The following MIB1 variants were observed in gnomAD, a reference collection of about 807,000 sequenced individuals.
The protein encoded by MIB1 is MIB E3 ubiquitin protein ligase 1, also known as E3 ubiquitin-protein ligase MIB1.
In MIB1, 278 loss-of-function variants were observed where a neutral mutation model predicts 124.5. The observed-to-expected ratio is 2.23, with a 90% CI of 2.02 to 2.47. The LOEUF (loss-of-function observed/expected upper bound fraction) is 2.47. Ranked by LOEUF, MIB1 falls within the 30% of genes most tolerant of loss-of-function variation. The pLI is 0.00. For synonymous variants in MIB1, 446 were observed against 429.4 expected (o/e 1.04, Z -0.48); for missense variants, 957 against 1,254.4 (o/e 0.76, Z 3.58).
intron 1 of MIB1, among the ~76,000 whole-genome samples, chr18:21,717,772 G>A (rs1034991304): frequency 6.6e-5 from 10 of 152,108 alleles, no homozygotes; most frequent in African/African-American, 2.4e-4. Flanking sequence ...TGTGGTGAAC[G>A]AAGAACACTT....
chr18:21,835,941 A>G (rs2042026894), intron 12 of MIB1, among the ~76,000 whole-genome samples: 1 of 151,500 alleles, frequency 6.6e-6, no homozygotes, highest in African/African-American at 2.4e-5. Flanking sequence ...ATACTATTAT[A>G]TTGAAGAGTT....
At position 21,741,911 on chromosome 18, in the gene MIB1, C is replaced by G. The variant is rs2040857966; in HGVS notation, c.229+99C>G. 15 of 1,087,676 alleles carry G rather than the reference C, an allele frequency of 1.4e-5. No individual in the cohort carries two copies. The highest frequency in any genetic ancestry group is 2.9e-5 in the Admixed American group (1 of 34,340). The allele number at this position is 1,087,676 out of a possible 1,614,324, so 67.4% of individuals were successfully genotyped here. ...CGGGGAGAGGTCTGCAGTGGGACAC[C>G]TGGTGGGCAGCGCCCGGCTGGAGCG... On this transcript the variant is annotated intron_variant, in intron 1 of 20. Coordinates refer to ENST00000261537, the MANE Select transcript of MIB1 (RefSeq NM_020774.4). This position sits in a 1 kb window ranked among gnomAD's most constrained non-coding sequence, Gnocchi z 5.4.
upstream of MIB1, among the ~76,000 whole-genome samples, chr18:21,735,874 A>C (rs1196365941): frequency 6.6e-6 from 1 of 152,236 alleles, no homozygotes; most frequent in Non-Finnish European, 1.5e-5. Context: ...CAGCAGCCCC[A>C]GTCAGGCACT....
intron 1 of MIB1, among the ~76,000 whole-genome samples, chr18:21,723,846 A>G (rs2040725900): frequency 6.6e-6 from 1 of 151,776 alleles, no homozygotes; most frequent in South Asian, 2.1e-4. Flanking sequence ...ACATCTGTTT[A>G]TAAAGTAAGC....
intron 17 of MIB1, among the ~76,000 whole-genome samples, chr18:21,850,871 C>T (rs907995851): frequency 1.4e-4 from 21 of 152,172 alleles, no homozygotes; most frequent in Admixed American, 1.2e-3. Context: ...ATTCTTTTGT[C>T]TTTAGATTGA....
chr18:21,819,561 C>G lies in MIB1; in HGVS notation c.1744C>G (p.Leu582Val). ...SKKRDDILAV[L>V]LEAGADVTIT... is the part of the protein sequence containing the mutation. ...GAAACGTGATGATATCCTAGCAGTT[C>G]TTTTGGAAGCTGGAGCAGATGTTAC... Residue 582 changes from leucine (L) to valine (V), a missense_variant, in exon 12 of 21, where the codon CTT becomes GTT. Physicochemically the swap from Leu to Val is conservative, Grantham distance 32 (BLOSUM62 1). Coordinates refer to ENST00000261537, the MANE Select transcript of MIB1 (RefSeq NM_020774.4). The G allele has an allele frequency of 1.2e-6, 2 of 1,611,258 alleles. No individual in the cohort carries two copies. The highest frequency in any genetic ancestry group is 3.3e-4 in the Middle Eastern group (2 of 6,058).
chr18:21,777,532 A>T (rs551427989), intron 4 of MIB1, among the ~76,000 whole-genome samples: 1 of 152,204 alleles, frequency 6.6e-6, no homozygotes, highest in South Asian at 2.1e-4. Flanking sequence ...GTCTAATGTA[A>T]TAAGATTCAG....
intron 1 of MIB1, among the ~76,000 whole-genome samples, chr18:21,732,643 C>T (rs2040777129): frequency 1.3e-5 from 2 of 152,082 alleles, no homozygotes; most frequent in Admixed American, 1.3e-4. Context: ...AAGTGATCCT[C>T]CCACCTTGGC....
At chr18:21,768,801 C>T in intron 3 of MIB1, 49 bp downstream of exon 3, 1 of 1,484,150 alleles carries the variant, frequency 6.7e-7, no homozygotes, top group Non-Finnish European at 9.0e-7. Flanking sequence ...ATTATATGTT[C>T]AGAACCTTTT....
At chr18:21,825,865 A>G (rs1328879154) in intron 12 of MIB1, 4 of 400,048 alleles carry the variant, frequency 1.0e-5, no homozygotes, top group African/African-American at 6.5e-5. Context: ...TACAAGTGTT[A>G]GAAATTATCA....
chr18:21,737,509 A>G (rs1451987925), upstream of MIB1, among the ~76,000 whole-genome samples: 5 of 152,182 alleles, frequency 3.3e-5, no homozygotes, highest in Admixed American at 6.5e-5. Context: ...TAATGACAGG[A>G]TCAAATTCAC....
chr18:21,747,808 C>A (rs915408852), intron 1 of MIB1, among the ~76,000 whole-genome samples: 1 of 152,144 alleles, frequency 6.6e-6, no homozygotes, highest in Non-Finnish European at 1.5e-5. Flanking sequence ...TCTCCTCCAC[C>A]CTCTATAATT....
At chr18:21,803,067 C>T (rs1419166455) in intron 9 of MIB1, among the ~76,000 whole-genome samples, 2 of 152,152 alleles carry the variant, frequency 1.3e-5, no homozygotes, top group African/African-American at 2.4e-5. Flanking sequence ...TACACTGTGG[C>T]TTCCTGTTCT....
intron 12 of MIB1, chr18:21,829,335 A>G: frequency 3.5e-6 from 1 of 284,798 alleles, no homozygotes; most frequent in Non-Finnish European, 6.7e-6. Context: ...TCTTTTTGCA[A>G]GAGATTCAAA....
chr18:21,707,539 C>T (rs746091506), intron 1 of MIB1, among the ~76,000 whole-genome samples: 5 of 152,164 alleles, frequency 3.3e-5, no homozygotes, highest in Non-Finnish European at 7.3e-5. Context: ...TCTTTATGAG[C>T]TATAACACTC....
At position 21,765,938 on chromosome 18, in the gene MIB1, TGA is replaced by T; in HGVS notation, c.400_401del (p.Arg134GlyfsTer7). ...RFYRITTPGS[E>X]RVLLESRRKS... is the part of the protein sequence containing the mutation. ...TTTACCGAATTACTACACCGGGAAGTGAGAGGTAGGGAGAACCCTTTTCTTCT... is the reference window on the plus strand; with the variant it reads ...TTTACCGAATTACTACACCGGGAAGTGAGGTAGGGAGAACCCTTTTCTTCT... On this transcript the variant is annotated frameshift_variant, in exon 2 of 21. Transcript: ENST00000261537. LOFTEE classifies it high-confidence loss of function. 1 of 1,614,038 alleles carries T rather than the reference TGA, an allele frequency of 6.2e-7. No individual in the cohort carries two copies. Among genetic ancestry groups the T allele is most frequent in the Non-Finnish European group, 8.5e-7 (1 of 1,179,898 alleles).
At chr18:21,788,304 G>C (rs1220248937) in intron 6 of MIB1, among the ~76,000 whole-genome samples, 1 of 152,130 alleles carries the variant, frequency 6.6e-6, no homozygotes, top group Non-Finnish European at 1.5e-5. Context: ...AATAAGAAAA[G>C]TTAACATTAA....
intron 6 of MIB1, among the ~76,000 whole-genome samples, chr18:21,780,437 C>T (rs1056974504): frequency 2.0e-5 from 3 of 152,166 alleles, no homozygotes; most frequent in African/African-American, 7.2e-5. Flanking sequence ...CTTTCTATCT[C>T]CATGAGATCC....
intron 12 of MIB1, among the ~76,000 whole-genome samples, chr18:21,836,306 C>T (rs2042031701): frequency 6.7e-6 from 1 of 148,518 alleles, no homozygotes; most frequent in African/African-American, 2.5e-5. Flanking sequence ...TGGAGTCTCG[C>T]TCAGTCGCCT....
Sources: allele counts gnomAD v4.1 joint callset (sites outside exome capture counted in the v4.1 genomes callset), GRCh38; gene constraint gnomAD v4.1.1; non-coding constraint Gnocchi (gnomAD v3.1); transcripts MANE v1.5; gene names NCBI Gene and HGNC (gene_info 2026-07-23, HGNC 2026-07-21).